The following IQGAP2 variants were observed in gnomAD, a reference collection of about 807,000 sequenced individuals.
IQGAP2 encodes ras GTPase-activating-like protein IQGAP2.
A neutral mutation model predicts 201.3 loss-of-function variants in IQGAP2; 173 were observed. That is an observed-to-expected ratio of 0.86 (90% CI 0.76 to 0.98). IQGAP2 has a LOEUF of 0.98. IQGAP2 is among the 50% of genes least tolerant of loss of function. The probability of loss-of-function intolerance (pLI) is 0.00; values close to 1 mark genes in which losing one functional copy is unlikely to be tolerated. For synonymous variants in IQGAP2, 675 were observed against 673.9 expected (o/e 1.00, Z -0.03); for missense variants, 1,687 against 1,864.8 (o/e 0.90, Z 1.76).
intron 27 of IQGAP2, 90 bp from the exon 28 acceptor site, chr5:76,677,128 T>C: frequency 4.7e-6 from 6 of 1,281,504 alleles, no homozygotes; most frequent in South Asian, 2.8e-5. Context: ...ACAAAGTACA[T>C]GTCATCATTC....
chr5:76,554,097 A>G (rs1743744078), intron 2 of IQGAP2, among the ~76,000 whole-genome samples: 1 of 152,218 alleles, frequency 6.6e-6, no homozygotes, highest in Admixed American at 6.5e-5. Flanking sequence ...GTGCCAAGAC[A>G]GTTCAACAAA....
chr5:76,685,695 G>A (rs113347935), intron 30 of IQGAP2, among the ~76,000 whole-genome samples: 2,115 of 123,482 alleles, frequency 0.017, 55 homozygotes, highest in African/African-American at 0.058. Context: ...GCTCTCCCCC[G>A]TCCCCCCCAG....
At chr5:76,408,387 G>A (rs1220624940) in intron 1 of IQGAP2, among the ~76,000 whole-genome samples, 4 of 152,156 alleles carry the variant, frequency 2.6e-5, no homozygotes, top group East Asian at 3.8e-4. Flanking sequence ...CTTTGAGAGG[G>A]CCAGTGGTTT....
At chr5:76,487,703 G>A (rs571817954) in intron 2 of IQGAP2, among the ~76,000 whole-genome samples, 5 of 152,146 alleles carry the variant, frequency 3.3e-5, no homozygotes, top group East Asian at 1.9e-4. Context: ...GAGAATGGGG[G>A]GCAGGGTCTT....
intron 2 of IQGAP2, chr5:76,547,516 CGT>C: frequency 1.6e-6 from 1 of 612,248 alleles, no homozygotes; most frequent in Non-Finnish European, 2.0e-6. Flanking sequence ...GGGGCAAAGA[CGT>C]GTTAAAAGTG....
At chr5:76,548,377 C>T (rs1266692375) in intron 2 of IQGAP2, among the ~76,000 whole-genome samples, 1 of 152,180 alleles carries the variant, frequency 6.6e-6, no homozygotes. Context: ...AAAGCACAGG[C>T]ACACCTGGCT....
intron 2 of IQGAP2, among the ~76,000 whole-genome samples, chr5:76,462,049 G>A (rs929439641): frequency 6.6e-6 from 1 of 152,234 alleles, no homozygotes; most frequent in Admixed American, 6.5e-5. Context: ...TTGAGAAAAA[G>A]TTGATGCCAC....
chr5:76,538,883 C>G (rs1045624994), intron 2 of IQGAP2, among the ~76,000 whole-genome samples: 3 of 152,172 alleles, frequency 2.0e-5, no homozygotes. Flanking sequence ...AATTATTTAA[C>G]TCGCCAAGCG....
chr5:76,553,602 GTTTCTT>G (rs911785925), intron 2 of IQGAP2, among the ~76,000 whole-genome samples: 2 of 152,142 alleles, frequency 1.3e-5, no homozygotes, highest in African/African-American at 2.4e-5. Context: ...TTGTGGGGTG[GTTTCTT>G]TTTCTTTTTC....
chr5:76,683,627 A>C, intron 29 of IQGAP2, 149 bp from the exon 30 acceptor site: 1 of 574,956 alleles, frequency 1.7e-6, no homozygotes, highest in Non-Finnish European at 2.8e-6. Context: ...AAGCCACTTT[A>C]GCTATAGTAG....
chr5:76,613,255 C>G (rs1748570947), intron 13 of IQGAP2, among the ~76,000 whole-genome samples: 1 of 152,338 alleles, frequency 6.6e-6, no homozygotes, highest in South Asian at 2.1e-4. Flanking sequence ...ATCCCAGGGG[C>G]AGGAGAGTGG....
intron 13 of IQGAP2, among the ~76,000 whole-genome samples, chr5:76,611,746 C>T (rs9293691): frequency 0.26 from 40,105 of 152,070 alleles, 5,561 homozygotes; most frequent in South Asian, 0.42. Context: ...GCTGTCCTCT[C>T]GAAGACTAGT....
intron 17 of IQGAP2, among the ~76,000 whole-genome samples, chr5:76,644,985 G>A (rs1004687619): frequency 6.6e-6 from 1 of 152,116 alleles, no homozygotes. Flanking sequence ...TTCTCCTAAT[G>A]CTATCCCTCC....
chr5:76,631,776 TAA>T, intron 14 of IQGAP2, 81 bp from the exon 15 acceptor site: 1 of 1,068,216 alleles, frequency 9.4e-7, no homozygotes, highest in Non-Finnish European at 1.3e-6. Context: ...AATGCATTCC[TAA>T]AACGTTGAAT....
intron 4 of IQGAP2, among the ~76,000 whole-genome samples, chr5:76,574,123 A>G (rs1745308640): frequency 6.6e-6 from 1 of 152,180 alleles, no homozygotes; most frequent in African/African-American, 2.4e-5. Context: ...ACGTACTACC[A>G]TATGATGCAT....
At chr5:76,408,868 C>A (rs919685358) in intron 1 of IQGAP2, among the ~76,000 whole-genome samples, 3 of 152,100 alleles carry the variant, frequency 2.0e-5, no homozygotes, top group Non-Finnish European at 2.9e-5. Flanking sequence ...TCTGGGCTCA[C>A]TGCAACCTCC....
At chr5:76,538,118 G>A (rs1759729453) in intron 2 of IQGAP2, among the ~76,000 whole-genome samples, 1 of 152,192 alleles carries the variant, frequency 6.6e-6, no homozygotes, top group Non-Finnish European at 1.5e-5. Flanking sequence ...GGCAGAGGAT[G>A]AAGGAAGAGC....
At chr5:76,500,219 A>G (rs1757201308) in intron 2 of IQGAP2, among the ~76,000 whole-genome samples, 1 of 152,238 alleles carries the variant, frequency 6.6e-6, no homozygotes, top group Admixed American at 6.5e-5. Flanking sequence ...CTGAAAGAAT[A>G]GACATTTCCC....
chr5:76,601,716 C>A (rs543459149), intron 11 of IQGAP2, among the ~76,000 whole-genome samples: 2 of 152,108 alleles, frequency 1.3e-5, no homozygotes, highest in Non-Finnish European at 2.9e-5. Flanking sequence ...GATTTTGGAA[C>A]GGCTCTAATA....
Sources: gnomAD v4.1 joint callset for allele counts (sites outside exome capture counted in the v4.1 genomes callset) on GRCh38, gnomAD v4.1.1 for gene constraint, MANE v1.5 for transcripts, NCBI Gene and HGNC (gene_info 2026-07-23, HGNC 2026-07-21) for gene names.